Variants in RPTOR observed in about 807,000 individuals in gnomAD.
RPTOR encodes regulatory associated protein of MTOR complex 1.
Under a neutral mutation model 169.9 loss-of-function variants are expected in RPTOR, and 21 were observed. The ratio of observed to expected loss-of-function variants is 0.12; its 90% CI spans 0.09 to 0.18. The LOEUF is 0.18. Ranked by LOEUF, RPTOR falls within the 10% of genes least tolerant of loss-of-function variation. The pLI, the probability that RPTOR is intolerant of heterozygous loss-of-function variation, is 1.00. For missense variants in RPTOR, 1,133 were observed against 1,855.9 expected (o/e 0.61, Z 7.16); for synonymous variants, 732 against 753.2 (o/e 0.97, Z 0.46).
intron 7 of RPTOR, chr17:80,801,961 T>C (rs546286637): frequency 6.2e-4 from 94 of 152,250 alleles, no homozygotes; most frequent in African/African-American, 2.2e-3. Flanking sequence ...GCGCCTCTCA[T>C]TAAGGTCCCC....
intron 7 of RPTOR, among the ~76,000 whole-genome samples, chr17:80,813,239 T>C (rs1265746121): frequency 2.0e-5 from 3 of 152,224 alleles, no homozygotes; most frequent in Non-Finnish European, 4.4e-5. Flanking sequence ...GAATTGTACA[T>C]CATTTTAAAT....
chr17:80,893,937 C>T, intron 20 of RPTOR, 72 bp downstream of exon 20: 1 of 1,406,164 alleles, frequency 7.1e-7, no homozygotes, highest in Non-Finnish European at 9.4e-7. Flanking sequence ...CAGCACAGAC[C>T]TGTGTCTGCA....
chr17:80,836,548 G>T (rs957629542), intron 9 of RPTOR, among the ~76,000 whole-genome samples: 4 of 152,152 alleles, frequency 2.6e-5, no homozygotes, highest in African/African-American at 9.6e-5. Context: ...AGCAGGGGTC[G>T]GTCAGAGGCA....
intron 25 of RPTOR, among the ~76,000 whole-genome samples, chr17:80,944,224 A>G (rs1220707859): frequency 6.6e-6 from 1 of 152,192 alleles, no homozygotes; most frequent in Non-Finnish European, 1.5e-5. Context: ...TCCCTCAGTC[A>G]AGGAAGTTCA....
chr17:80,912,790 C>T (rs998890151), intron 21 of RPTOR, among the ~76,000 whole-genome samples: 3 of 152,182 alleles, frequency 2.0e-5, no homozygotes, highest in Non-Finnish European at 4.4e-5. Flanking sequence ...ACGGCTTTGT[C>T]GTGCTATCCG....
chr17:80,886,598 C>T (rs747838154), intron 17 of RPTOR, among the ~76,000 whole-genome samples: 1 of 152,350 alleles, frequency 6.6e-6, no homozygotes, highest in African/African-American at 2.4e-5. Flanking sequence ...ATAGAGAGGA[C>T]GTTAGCTGTG....
At chr17:80,665,389 TTTCC>T (rs1567846039) in intron 3 of RPTOR, among the ~76,000 whole-genome samples, 150 of 7,152 alleles carry the variant, frequency 0.021, 2 homozygotes, top group Middle Eastern at 0.056. Context: ...TTTCCTTTCC[TTTCC>T]TTTCCTTTCC....
intron 1 of RPTOR, among the ~76,000 whole-genome samples, chr17:80,611,655 A>G (rs1206370083): frequency 6.6e-6 from 1 of 152,074 alleles, no homozygotes; most frequent in East Asian, 1.9e-4. Flanking sequence ...CATAATACCA[A>G]TATCACTCCT....
intron 7 of RPTOR, among the ~76,000 whole-genome samples, chr17:80,808,020 C>T (rs2067236782): frequency 6.6e-6 from 1 of 152,072 alleles, no homozygotes; most frequent in Non-Finnish European, 1.5e-5. Context: ...CTAAGCCTGG[C>T]ACAGTGGCTC....
chr17:80,751,909 C>T (rs145025775), intron 5 of RPTOR, among the ~76,000 whole-genome samples: 7 of 152,354 alleles, frequency 4.6e-5, no homozygotes, highest in African/African-American at 1.7e-4. Context: ...CCTTGTTGTT[C>T]CACATCCCCA....
Position 80,708,085 on chromosome 17 carries a change from C to A in RPTOR, c.507+86C>A. ...CGGAGCAGGTCCTGCCCATCCGTAG[C>A]TTCTGTTAAGCCATTGATGTTTACT... On this transcript the variant is annotated intron_variant, in intron 4 of 33. Coordinates refer to ENST00000306801, the MANE Select transcript of RPTOR (RefSeq NM_020761.3). This position sits in a 1 kb window ranked among gnomAD's most constrained non-coding sequence, Gnocchi z 4.2. 2 of 1,339,164 alleles carry A rather than the reference C, an allele frequency of 1.5e-6. No homozygotes were observed. Among genetic ancestry groups the A allele is most frequent in the Non-Finnish European group, 1.0e-6 (1 of 975,818 alleles). 83.0% of individuals were successfully genotyped at this position (1,339,164 alleles called of 1,614,324 possible).
Position 80,694,263 on chromosome 17 carries a change from T to A in RPTOR, c.349-13578T>A, listed in dbSNP as rs190041287. 9.2e-3 allele frequency among the ~76,000 whole-genome samples: 1,400 copies of A among 152,328 alleles called. 74 individuals carry two copies. The highest frequency in any genetic ancestry group is 0.081 in the Admixed American group (1,236 of 15,300). ...TGACACAGCTGGTGACCTCTCCAGG[T>A]GACCTCTTCAAGCCTGGTCCCAGGG... On this transcript the variant is annotated intron_variant, in intron 3 of 33. Transcript: ENST00000306801.
At chr17:80,568,280 CT>C (rs569659769) in intron 1 of RPTOR, among the ~76,000 whole-genome samples, 1 of 152,316 alleles carries the variant, frequency 6.6e-6, no homozygotes, top group Non-Finnish European at 1.5e-5. Flanking sequence ...TTCCTTCAGT[CT>C]GAAGAACTTT....
intron 3 of RPTOR, among the ~76,000 whole-genome samples, chr17:80,649,182 A>G (rs536203422): frequency 1.9e-4 from 29 of 152,330 alleles, no homozygotes; most frequent in South Asian, 1.0e-3. Context: ...GCCCTAGGAC[A>G]GTACTCCACA....
Position 80,708,228 on chromosome 17 carries a change from G to A in RPTOR, c.507+229G>A, listed in dbSNP as rs142431901. ...GACTGCCTTGAAGTGTGGTGCGTGTGGTTTATGTTCCCTCTGTAAGACCAG... is the reference window on the plus strand; with the variant it reads ...GACTGCCTTGAAGTGTGGTGCGTGTAGTTTATGTTCCCTCTGTAAGACCAG... On this transcript the variant is annotated intron_variant, in intron 4 of 33. Transcript: ENST00000306801. This position sits in a 1 kb window ranked among gnomAD's most constrained non-coding sequence, Gnocchi z 4.2. 6.6e-5 allele frequency among the ~76,000 whole-genome samples: 10 copies of A among 152,292 alleles called. No individual in the cohort carries two copies. In the East Asian group the frequency reaches 1.7e-3, roughly 26 times the overall value.
intron 1 of RPTOR, chr17:80,602,878 T>C: frequency 2.1e-6 from 1 of 487,594 alleles, no homozygotes; most frequent in East Asian, 3.9e-5. Context: ...ACCTCGCTGA[T>C]TGCAGAATGG....
rs1349772235 is a variant in RPTOR, at chr17:80,651,095, G to A, written c.348+7285G>A. 6.6e-6 allele frequency among the ~76,000 whole-genome samples: 1 copy of A among 152,148 alleles called. No individual in the cohort carries two copies. The highest frequency in any genetic ancestry group is 1.5e-5 in the Non-Finnish European group (1 of 68,030). On this transcript the variant is annotated intron_variant, in intron 3 of 33. Transcript: ENST00000306801. The surrounding 1 kb of genome is among the most constrained non-coding windows in gnomAD (Gnocchi z 4.1). ...GCTGTTGTCGTTTCACAGATCTCAC[G>A]TGCCATGTGTGTTTCCTGAGTTAAC...
intron 13 of RPTOR, among the ~76,000 whole-genome samples, chr17:80,869,419 G>A (rs1457850642): frequency 6.6e-6 from 1 of 152,146 alleles, no homozygotes; most frequent in Non-Finnish European, 1.5e-5. Flanking sequence ...AGCCTCTAAA[G>A]TGCTGGGATT....
In RPTOR at chr17:80,736,721, A is replaced by G. The variant is rs576438776; in HGVS notation, c.654+6015A>G. 3.9e-5 allele frequency among the ~76,000 whole-genome samples: 6 copies of G among 152,312 alleles called. No homozygotes were observed. In the South Asian group the frequency reaches 1.2e-3, roughly 32 times the overall value. Reference sequence around the variant, plus strand: ...CAGCAAAAGGCAGTTCTCCTGCTGAAGGTTGTGGTTGTAGTGATTGCTGAA... The same window carrying G: ...CAGCAAAAGGCAGTTCTCCTGCTGAGGGTTGTGGTTGTAGTGATTGCTGAA... On this transcript the variant is annotated intron_variant, in intron 5 of 33. Transcript: ENST00000306801.
Sources: allele counts gnomAD v4.1 joint callset (sites outside exome capture counted in the v4.1 genomes callset), GRCh38; gene constraint gnomAD v4.1.1; non-coding constraint Gnocchi (gnomAD v3.1); transcripts MANE v1.5; gene names NCBI Gene and HGNC (gene_info 2026-07-23, HGNC 2026-07-21).